Variants in PPP1R1C observed in about 807,000 individuals in gnomAD.
PPP1R1C encodes the protein protein phosphatase 1 regulatory inhibitor subunit 1C.
PPP1R1C carries 15 observed loss-of-function variants against 17.4 expected under a neutral mutation model. The observed-to-expected ratio is 0.86, with a 90% CI of 0.58 to 1.33. The LOEUF (loss-of-function observed/expected upper bound fraction) is 1.33, where lower values mean the gene tolerates loss of function less well. Ranked by LOEUF, PPP1R1C falls within the 40% of genes most tolerant of loss-of-function variation. The pLI is 0.00. For missense variants in PPP1R1C, 143 were observed against 130.0 expected (o/e 1.10, Z -0.48); for synonymous variants, 35 against 43.1 (o/e 0.81, Z 0.73).
chr2:181,975,414 T>G (rs1685079104), intron 2 of PPP1R1C: 1 of 151,988 alleles, frequency 6.6e-6, no homozygotes, highest in Admixed American at 6.6e-5. Flanking sequence ...GTAGAAAATG[T>G]GAAGTTCATT....
chr2:181,961,017 G>A lies in PPP1R1C; in HGVS notation n.111+6383G>A, dbSNP rs1684770218. ...TTGAGTGATTCTTGGAAGGTAAAGGGCAGATAAAATCACTTTGCTGGAGAA... is the reference window on the plus strand; with the variant it reads ...TTGAGTGATTCTTGGAAGGTAAAGGACAGATAAAATCACTTTGCTGGAGAA... On this transcript the variant is annotated intron_variant and non_coding_transcript_variant, in intron 1 of 5. Coordinates refer to the PPP1R1C transcript ENST00000464264. This position sits in a 1 kb window ranked among gnomAD's most constrained non-coding sequence, Gnocchi z 5.8. Among the ~76,000 whole-genome samples, 1 of 152,134 alleles carries A rather than the reference G, an allele frequency of 6.6e-6. No individual in the cohort carries two copies. Among genetic ancestry groups the A allele is most frequent in the Non-Finnish European group, 1.5e-5 (1 of 68,024 alleles).
intron 2 of PPP1R1C, among the ~76,000 whole-genome samples, chr2:182,039,347 G>A (rs1044381887): frequency 6.6e-6 from 1 of 152,088 alleles, no homozygotes; most frequent in Admixed American, 6.6e-5. Flanking sequence ...TCATTTTGTA[G>A]CTTTTGGAGT....
intron 2 of PPP1R1C, among the ~76,000 whole-genome samples, chr2:181,977,297 CAT>C (rs1685111398): frequency 2.6e-5 from 4 of 151,994 alleles, no homozygotes; most frequent in Admixed American, 2.6e-4. Flanking sequence ...ATGCTGATCA[CAT>C]GTTTCCTAAA....
chr2:182,061,755 T>A (rs527920355), intron 3 of PPP1R1C, among the ~76,000 whole-genome samples: 3 of 152,070 alleles, frequency 2.0e-5, no homozygotes, highest in South Asian at 4.1e-4. Flanking sequence ...ATTTATTGAG[T>A]GATTATATAT....
intron 2 of PPP1R1C, among the ~76,000 whole-genome samples, chr2:182,033,805 G>T (rs373455676): frequency 2.0e-5 from 3 of 152,014 alleles, no homozygotes; most frequent in East Asian, 1.9e-4. Flanking sequence ...GATATTAAAG[G>T]CCCGCCACAA....
chr2:182,063,685 T>A (rs1240648622), intron 3 of PPP1R1C, 46 bp from the exon 4 acceptor site: 4 of 1,478,688 alleles, frequency 2.7e-6, no homozygotes, highest in African/African-American at 2.8e-5. Flanking sequence ...GGCATCGTAC[T>A]TTGTATCCAA....
chr2:182,012,957 A>G (rs1037097238), intron 2 of PPP1R1C, among the ~76,000 whole-genome samples: 2 of 152,080 alleles, frequency 1.3e-5, no homozygotes, highest in African/African-American at 2.4e-5. Flanking sequence ...TATTGTTTCT[A>G]TTTATGTGCT....
chr2:181,961,365 C>T lies in PPP1R1C; in HGVS notation n.111+6731C>T. 2.8e-6 allele frequency: 2 copies of T among 716,362 alleles called. No homozygotes were observed. The highest frequency in any genetic ancestry group is 5.1e-6 in the Non-Finnish European group (2 of 394,896). The allele number at this position is 716,362 out of a possible 1,614,324, so 44.4% of individuals were successfully genotyped here. A position where few individuals can be genotyped will look rare whatever the true frequency, so the allele number is the denominator to read the frequency against. On this transcript the variant is annotated intron_variant and non_coding_transcript_variant, in intron 1 of 5. Transcript: ENST00000464264. The surrounding 1 kb of genome is among the most constrained non-coding windows in gnomAD (Gnocchi z 5.8). ...GGTAGGTGGCGCTCTCAGCCTCCAG[C>T]TTGACCTTGATGTTCAGCAGAGCCT...
intron 2 of PPP1R1C, among the ~76,000 whole-genome samples, chr2:182,029,142 C>A (rs1396202239): frequency 6.9e-6 from 1 of 145,200 alleles, no homozygotes; most frequent in African/African-American, 2.6e-5. Context: ...ATACAGCACA[C>A]TGATGGGTCT....
chr2:182,045,131 A>G (rs1439228715), intron 2 of PPP1R1C, among the ~76,000 whole-genome samples: 1 of 152,230 alleles, frequency 6.6e-6, no homozygotes, highest in Non-Finnish European at 1.5e-5. Flanking sequence ...GCAACCCTCA[A>G]GTAAATTACA....
At chr2:181,969,422 C>T (rs1281106172) in intron 1 of PPP1R1C, among the ~76,000 whole-genome samples, 1 of 152,152 alleles carries the variant, frequency 6.6e-6, no homozygotes, top group Non-Finnish European at 1.5e-5. Flanking sequence ...TCACACCACT[C>T]TCTCCTGGCC....
At position 181,962,523 on chromosome 2, in the gene PPP1R1C, G is replaced by A; in HGVS notation, n.111+7889G>A. ...GAGAGGACAGGACTCAGGCTTTGCC[G>A]ACCCGTCATAGCAGTTTTCTAAGGA... On this transcript the variant is annotated intron_variant and non_coding_transcript_variant, in intron 1 of 5. Transcript: ENST00000464264. The surrounding 1 kb of genome is among the most constrained non-coding windows in gnomAD (Gnocchi z 6.0). 1.6e-6 allele frequency: 1 copy of A among 626,326 alleles called. No individual in the cohort carries two copies. Among genetic ancestry groups the A allele is most frequent in the Non-Finnish European group, 2.9e-6 (1 of 341,606 alleles). 38.8% of individuals were successfully genotyped at this position (626,326 alleles called of 1,614,324 possible).
intron 2 of PPP1R1C, among the ~76,000 whole-genome samples, chr2:182,053,871 C>G (rs1454423735): frequency 6.6e-6 from 1 of 151,974 alleles, no homozygotes; most frequent in African/African-American, 2.4e-5. Flanking sequence ...ACCTCCGCCT[C>G]CCAGGTTCAA....
intron 4 of PPP1R1C, among the ~76,000 whole-genome samples, chr2:182,102,331 C>T (rs890442121): frequency 2.0e-5 from 3 of 152,080 alleles, no homozygotes; most frequent in South Asian, 4.2e-4. Context: ...TTGTGAGATG[C>T]CCTGTTCCCT....
At chr2:182,101,170 A>AT (rs1439634490) in intron 4 of PPP1R1C, among the ~76,000 whole-genome samples, 1 of 152,196 alleles carries the variant, frequency 6.6e-6, no homozygotes, top group Non-Finnish European at 1.5e-5. Context: ...ACTACTTCAA[A>AT]TTATGTTCTG....
intron 2 of PPP1R1C, among the ~76,000 whole-genome samples, chr2:182,020,043 G>C (rs1686371715): frequency 6.6e-6 from 1 of 152,200 alleles, no homozygotes; most frequent in Non-Finnish European, 1.5e-5. Context: ...TTAACTATTT[G>C]TCTGACATTT....
intron 4 of PPP1R1C, among the ~76,000 whole-genome samples, chr2:182,090,289 C>CTGTGTGTGTG (rs142618201): frequency 0.083 from 12,047 of 145,608 alleles, 553 homozygotes; most frequent in African/African-American, 0.12. Flanking sequence ...ACTATAAATT[C>CTGTGTGTGTG]TGTGTGTGTG....
At chr2:182,084,306 A>G (rs375596594) in intron 4 of PPP1R1C, among the ~76,000 whole-genome samples, 2 of 150,772 alleles carry the variant, frequency 1.3e-5, no homozygotes, top group South Asian at 4.2e-4. Context: ...TTTTTGTTGC[A>G]TTTGCTTTAA....
At chr2:182,104,113 T>A (rs1284386089) in intron 4 of PPP1R1C, among the ~76,000 whole-genome samples, 2 of 152,194 alleles carry the variant, frequency 1.3e-5, no homozygotes, top group African/African-American at 4.8e-5. Flanking sequence ...TAGGTAAAAT[T>A]TGAGGATCAA....
Sources: allele counts gnomAD v4.1 joint callset (sites outside exome capture counted in the v4.1 genomes callset), GRCh38; gene constraint gnomAD v4.1.1; non-coding constraint Gnocchi (gnomAD v3.1); transcripts MANE v1.5; gene names NCBI Gene and HGNC (gene_info 2026-07-23, HGNC 2026-07-21).